The following MAML3 variants were observed in gnomAD, a reference collection of about 807,000 sequenced individuals.
MAML3 encodes the protein mastermind-like protein 3.
A neutral mutation model predicts 101.9 loss-of-function variants in MAML3; 27 were observed. That is an observed-to-expected ratio of 0.27 (90% CI 0.20 to 0.37). MAML3 has a LOEUF of 0.37. MAML3 is among the 10% of genes least tolerant of loss of function. MAML3 has a pLI of 1.00. For missense variants in MAML3, 1,316 were observed against 1,444.9 expected (o/e 0.91, Z 1.45); for synonymous variants, 501 against 555.9 (o/e 0.90, Z 1.39).
chr4:140,019,031 ATTG>A (rs1726692028), intron 1 of MAML3, among the ~76,000 whole-genome samples: 1 of 151,522 alleles, frequency 6.6e-6, no homozygotes, highest in Non-Finnish European at 1.5e-5. Flanking sequence ...TCTTTTCCAA[ATTG>A]TTGTTTAAAC....
At chr4:139,795,048 A>G (rs1042273830) in intron 2 of MAML3, among the ~76,000 whole-genome samples, 1 of 152,208 alleles carries the variant, frequency 6.6e-6, no homozygotes, top group African/African-American at 2.4e-5. Context: ...CTTCTTCCCC[A>G]GGGATCAGAA....
In MAML3 at chr4:139,735,203, T is replaced by TG. The variant is rs1728886416; in HGVS notation, c.2080-4537dup. ...AGCAGATGGTGTTCGCACGGCGTGA[T>TG]GGACATCACACACGACAGCCTGAGA... On this transcript the variant is annotated intron_variant, in intron 2 of 4. Coordinates refer to ENST00000509479, the MANE Select transcript of MAML3 (RefSeq NM_018717.5). The surrounding 1 kb of genome is among the most constrained non-coding windows in gnomAD (Gnocchi z 5.8). Among the ~76,000 whole-genome samples, 2 of 152,336 alleles carry TG rather than the reference T, an allele frequency of 1.3e-5. No homozygotes were observed. Among genetic ancestry groups the TG allele is most frequent in the South Asian group, 4.1e-4 (2 of 4,824 alleles).
intron 1 of MAML3, among the ~76,000 whole-genome samples, chr4:139,924,382 T>G (rs1046431938): frequency 5.3e-5 from 8 of 152,252 alleles, no homozygotes; most frequent in African/African-American, 1.9e-4. Context: ...TATTTTACCC[T>G]CAAATATATA....
intron 1 of MAML3, among the ~76,000 whole-genome samples, chr4:140,009,949 A>G (rs947666466): frequency 2.6e-5 from 4 of 152,222 alleles, no homozygotes; most frequent in Non-Finnish European, 4.4e-5. Context: ...GCTGGATGGT[A>G]TAGAAAATTA....
chr4:140,084,367 C>A (rs1332038242), intron 1 of MAML3, among the ~76,000 whole-genome samples: 1 of 152,134 alleles, frequency 6.6e-6, no homozygotes, highest in Admixed American at 6.5e-5. Context: ...TGGTTTGTTG[C>A]CACGTGCACA....
chr4:139,897,974 C>T lies in MAML3; in HGVS notation c.469-7007G>A, dbSNP rs187424034. On this transcript the variant is annotated intron_variant, in intron 1 of 4. Transcript: ENST00000509479. ...TCTTTCTGAGCCTTTGCATATTTTA[C>T]ACTTAACCAACTTCTTCACCTGACC... Among the ~76,000 whole-genome samples the T allele has an allele frequency of 1.2e-4, 19 of 152,342 alleles. 1 individual carries two copies. The East Asian group carries it at 1.5e-3, about 12-fold the overall frequency.
chr4:139,868,239 C>A (rs768618413), intron 2 of MAML3, among the ~76,000 whole-genome samples: 4 of 152,112 alleles, frequency 2.6e-5, no homozygotes, highest in Non-Finnish European at 5.9e-5. Context: ...GTATAAGAAA[C>A]ACTCCCTGTT....
intron 4 of MAML3, among the ~76,000 whole-genome samples, chr4:139,722,581 A>G (rs1728279782): frequency 6.6e-6 from 1 of 152,220 alleles, no homozygotes; most frequent in Admixed American, 6.5e-5. Context: ...TACAGATGAT[A>G]GTATCCAACT....
intron 1 of MAML3, among the ~76,000 whole-genome samples, chr4:139,939,909 C>T (rs1365755646): frequency 2.6e-5 from 4 of 151,936 alleles, no homozygotes; most frequent in African/African-American, 7.3e-5. Context: ...GGATTACAGG[C>T]GCCCGCCACC....
At chr4:139,827,470 T>A (rs756878428) in intron 2 of MAML3, among the ~76,000 whole-genome samples, 5 of 152,186 alleles carry the variant, frequency 3.3e-5, no homozygotes, top group Non-Finnish European at 5.9e-5. Flanking sequence ...AGCTTCTCTA[T>A]GCAGATTCCT....
At chr4:139,968,320 A>AG (rs574726129) in intron 1 of MAML3, among the ~76,000 whole-genome samples, 308 of 151,782 alleles carry the variant, frequency 2.0e-3, no homozygotes, top group Non-Finnish European at 3.4e-3. Context: ...AAAAAAAAAA[A>AG]AAAAAAGAAA....
intron 1 of MAML3, among the ~76,000 whole-genome samples, chr4:140,078,028 A>T (rs7664947): frequency 0.052 from 7,621 of 147,924 alleles, 363 homozygotes; most frequent in African/African-American, 0.11. Flanking sequence ...AATAAATAAA[A>T]AAATAAATAA....
At chr4:139,769,956 G>A (rs1363201488) in intron 2 of MAML3, among the ~76,000 whole-genome samples, 1 of 136,398 alleles carries the variant, frequency 7.3e-6, no homozygotes, top group East Asian at 2.2e-4. Context: ...GTCTCCCTCT[G>A]TTGCCCAGTC....
chr4:139,786,053 G>A (rs2111085239), intron 2 of MAML3, among the ~76,000 whole-genome samples: 1 of 152,098 alleles, frequency 6.6e-6, no homozygotes, highest in African/African-American at 2.4e-5. Flanking sequence ...AGTCATTAGG[G>A]TAGGCACTAA....
chr4:139,820,957 T>C (rs888671927), intron 2 of MAML3, among the ~76,000 whole-genome samples: 1 of 152,218 alleles, frequency 6.6e-6, no homozygotes, highest in African/African-American at 2.4e-5. Context: ...CTCCACATAC[T>C]GCTAAATTGT....
chr4:139,748,673 T>C (rs1729400055), intron 2 of MAML3, among the ~76,000 whole-genome samples: 1 of 152,180 alleles, frequency 6.6e-6, no homozygotes, highest in African/African-American at 2.4e-5. Flanking sequence ...TATATGTTTC[T>C]GGGGTAAGGA....
chr4:139,804,976 C>T (rs1730678897), intron 2 of MAML3, among the ~76,000 whole-genome samples: 1 of 152,154 alleles, frequency 6.6e-6, no homozygotes. Context: ...GTCAGAAGTT[C>T]AAGACCAGCC....
intron 1 of MAML3, among the ~76,000 whole-genome samples, chr4:140,131,353 T>G (rs557037401): frequency 6.6e-6 from 1 of 152,328 alleles, no homozygotes; most frequent in Admixed American, 6.5e-5. Flanking sequence ...AAGTTCATTG[T>G]AGCAGTGGTA....
chr4:140,018,036 G>A (rs1051524935), intron 1 of MAML3, among the ~76,000 whole-genome samples: 1 of 152,036 alleles, frequency 6.6e-6, no homozygotes, highest in African/African-American at 2.4e-5. Context: ...GAATGAATAC[G>A]CTAGATTATT....
Sources: allele counts gnomAD v4.1 joint callset (sites outside exome capture counted in the v4.1 genomes callset), GRCh38; gene constraint gnomAD v4.1.1; non-coding constraint Gnocchi (gnomAD v3.1); transcripts MANE v1.5; gene names NCBI Gene and HGNC (gene_info 2026-07-23, HGNC 2026-07-21).